Variants in DNAH17 observed in about 807,000 individuals in gnomAD.
DNAH17 encodes dynein axonemal heavy chain 17.
DNAH17 carries 376 observed loss-of-function variants against 485.6 expected under a neutral mutation model. The observed-to-expected ratio is 0.77, with a 90% CI of 0.71 to 0.84. The LOEUF is 0.84. Among genes scored for constraint, DNAH17 ranks in the 40% least tolerant of loss-of-function variants. DNAH17 has a pLI of 0.00. For synonymous variants in DNAH17, 3,031 were observed against 2,405.9 expected (o/e 1.26, Z -7.60); for missense variants, 6,370 against 5,839.3 (o/e 1.09, Z -2.96).
At position 78,444,187 on chromosome 17, in the gene DNAH17, G is replaced by A. The variant is rs186261122; in HGVS notation, c.11528+417C>T. 8.5e-5 allele frequency among the ~76,000 whole-genome samples: 13 copies of A among 152,256 alleles called. No individual in the cohort carries two copies. The East Asian group carries it at 2.5e-3, about 29-fold the overall frequency. On this transcript the variant is annotated intron_variant, in intron 71 of 80. Transcript: ENST00000389840. ...TTTCTCCCTCAAAACATCTTAAAAG[G>A]ACCCCATTTGTATGGCCTCAGTGCT... is the stretch of plus-strand genomic sequence containing the variant.
At chr17:78,536,580 C>G (rs1396600635) in intron 19 of DNAH17, among the ~76,000 whole-genome samples, 1 of 152,100 alleles carries the variant, frequency 6.6e-6, no homozygotes. Flanking sequence ...ACTTGGGAGA[C>G]TGAGGCGGGA....
Position 78,545,166 on chromosome 17 carries a change from C to A in DNAH17, c.2392-1169G>T, listed in dbSNP as rs541343476. Among the ~76,000 whole-genome samples, 5 of 152,260 alleles carry A rather than the reference C, an allele frequency of 3.3e-5. No homozygotes were observed. In the South Asian group the frequency reaches 1.0e-3, roughly 32 times the overall value. On this transcript the variant is annotated intron_variant, in intron 16 of 80. Coordinates refer to ENST00000389840, the MANE Select transcript of DNAH17 (RefSeq NM_173628.4). ...AGATCACCCGCCTCCCTCCTCTGGC[C>A]AGTGTTTGATATTTACGTGAGTACT...
chr17:78,477,930 TCATCACCAC>T (rs1156670279), intron 51 of DNAH17, among the ~76,000 whole-genome samples: 3 of 145,554 alleles, frequency 2.1e-5, no homozygotes, highest in Non-Finnish European at 3.0e-5. Context: ...ATCACCACCA[TCATCACCAC>T]CATCACCATT....
At chr17:78,461,429 T>G in intron 58 of DNAH17, 115 bp downstream of exon 58, 1 of 1,151,620 alleles carries the variant, frequency 8.7e-7, no homozygotes, top group East Asian at 3.0e-5. Flanking sequence ...TGTCCTTCTA[T>G]GTAAGTCTCA....
chr17:78,442,967 C>G (rs540259226), intron 71 of DNAH17, among the ~76,000 whole-genome samples: 1 of 152,308 alleles, frequency 6.6e-6, no homozygotes, highest in African/African-American at 2.4e-5. Context: ...TAAGCGACCC[C>G]CTCCCTATAC....
chr17:78,475,843 G>T lies in DNAH17; in HGVS notation c.8155-10C>A. On this transcript the variant is annotated splice_polypyrimidine_tract_variant and intron_variant, in intron 52 of 80. Coordinates refer to ENST00000389840, the MANE Select transcript of DNAH17 (RefSeq NM_173628.4). Reference sequence around the variant, plus strand: ...GTTCATCACCAAGATCCTAGAAAAAGAAAAAAAAAGACGATACTTCCGGTT... The same window carrying T: ...GTTCATCACCAAGATCCTAGAAAAATAAAAAAAAAGACGATACTTCCGGTT... The T allele has an allele frequency of 6.3e-7, 1 of 1,580,844 alleles. No homozygotes were observed. Among genetic ancestry groups the T allele is most frequent in the African/African-American group, 1.4e-5 (1 of 72,398 alleles).
At position 78,537,347 on chromosome 17, in the gene DNAH17, G is replaced by C; in HGVS notation, c.2811C>G (p.Asn937Lys). 6.2e-7 allele frequency: 1 copy of C among 1,605,246 alleles called. No homozygotes were observed. The highest frequency in any genetic ancestry group is 2.2e-5 in the East Asian group (1 of 44,472). The change falls in exon 19 of 81, where the codon AAC (asparagine) becomes AAG (lysine). Residue 937 changes from asparagine to lysine, a missense_variant. Asn to Lys is a moderately conservative substitution (Grantham distance 94). Transcript: ENST00000389840. ...LIEGLVNDIY[N>K]VARLIPRLAK... ...CCAGCCGAGGGATGAGCCTGGCTACGTTGTAGATGTCGTTGACCAGGCCCT... is the reference window on the plus strand; with the variant it reads ...CCAGCCGAGGGATGAGCCTGGCTACCTTGTAGATGTCGTTGACCAGGCCCT...
chr17:78,482,752 T>A (rs2089407385), intron 48 of DNAH17, among the ~76,000 whole-genome samples: 1 of 152,114 alleles, frequency 6.6e-6, no homozygotes, highest in Non-Finnish European at 1.5e-5. Context: ...AAACAGTCCA[T>A]CCTTCCCTGT....
At position 78,485,584 on chromosome 17, in the gene DNAH17, G is replaced by A. The variant is rs1464307406; in HGVS notation, c.7449C>T (p.Pro2483=). 6.2e-7 allele frequency: 1 copy of A among 1,613,506 alleles called. No individual in the cohort carries two copies. Among genetic ancestry groups the A allele is most frequent in the Non-Finnish European group, 8.5e-7 (1 of 1,179,744 alleles). ...TGGCTGAGGTCGTGTAGAAGTTGAA[G>A]GGCACAGCCTGCACCAGGTAGTTGT... The part of the protein sequence containing the change: ...NTDNYLVQAV[P]FNFYTTSAML... The change falls in exon 47 of 81, where the codon CCC becomes CCT. Residue 2483 remains proline (P), a synonymous_variant. Transcript: ENST00000389840.
chr17:78,529,645 T>C lies in DNAH17; in HGVS notation c.3334A>G (p.Lys1112Glu), dbSNP rs761279583. 3.7e-6 allele frequency: 6 copies of C among 1,613,848 alleles called. No homozygotes were observed. The African/African-American group carries it at 8.0e-5, about 22-fold the overall frequency. Residue 1112 changes from lysine (K) to glutamate (E), a missense_variant, in exon 22 of 81, where the codon AAG (lysine) becomes GAG (glutamate). Physicochemically the swap from Lys to Glu is moderately conservative, Grantham distance 56. Transcript: ENST00000389840. ...TCATAGTCCCCCTCCTTGAGGGGCT[T>C]GGTCAAGCCCATTCTGGCGACTTTC... is the stretch of plus-strand genomic sequence containing the variant. ...FMKVARMGLTKPLKEGDYDGL... is the reference protein window; with the variant it reads ...FMKVARMGLTEPLKEGDYDGL...
At chr17:78,442,374 G>A (rs1222550064) in intron 71 of DNAH17, among the ~76,000 whole-genome samples, 2 of 152,220 alleles carry the variant, frequency 1.3e-5, no homozygotes, top group African/African-American at 4.8e-5. Flanking sequence ...TTGCTGGCTT[G>A]TCTCTGGTGT....
intron 13 of DNAH17, among the ~76,000 whole-genome samples, chr17:78,558,746 C>T (rs1424846531): frequency 1.3e-5 from 2 of 152,216 alleles, no homozygotes; most frequent in Non-Finnish European, 2.9e-5. Flanking sequence ...CTTGTTTCCT[C>T]GCTGGAATCT....
At chr17:78,493,871 C>T (rs1029930669) in intron 41 of DNAH17, 165 bp downstream of exon 41, 12 of 1,006,312 alleles carry the variant, frequency 1.2e-5, no homozygotes, top group South Asian at 1.1e-4. Context: ...CCCTCCTCCT[C>T]GGCCCCCAGC....
Position 78,426,571 on chromosome 17 carries a change from T to G in DNAH17, c.12801A>C (p.Glu4267Asp), listed in dbSNP as rs755944065. 6.2e-7 allele frequency: 1 copy of G among 1,612,190 alleles called. No homozygotes were observed. Among genetic ancestry groups the G allele is most frequent in the Admixed American group, 1.7e-5 (1 of 59,840 alleles). Reference sequence around the variant, plus strand: ...CATAGAAGAGAGCCGTGGACAGATCTTCCACGTCGGTCGTGATGGTCAGTT... The same window carrying G: ...CATAGAAGAGAGCCGTGGACAGATCGTCCACGTCGGTCGTGATGGTCAGTT... ...KGELTITTDVEDLSTALFYDT... is the reference protein window; with the variant it reads ...KGELTITTDVDDLSTALFYDT... Residue 4267 changes from glutamate to aspartate, a missense_variant, in exon 79 of 81, where the codon GAA becomes GAC. Physicochemically the swap from Glu to Asp is conservative, Grantham distance 45. Transcript: ENST00000389840.
chr17:78,517,634 C>T (rs1598627764), intron 25 of DNAH17, among the ~76,000 whole-genome samples: 1 of 152,218 alleles, frequency 6.6e-6, no homozygotes, highest in East Asian at 1.9e-4. Flanking sequence ...ATTGCCTCCT[C>T]TTCTCCCTGA....
At chr17:78,526,582 A>T in intron 24 of DNAH17, 69 bp downstream of exon 24, 1 of 1,354,872 alleles carries the variant, frequency 7.4e-7, no homozygotes, top group Non-Finnish European at 1.0e-6. Flanking sequence ...TGAAAGGATA[A>T]CTACTTGAGA....
intron 31 of DNAH17, among the ~76,000 whole-genome samples, chr17:78,504,951 G>T (rs1382434709): frequency 7.7e-6 from 1 of 130,090 alleles, no homozygotes; most frequent in African/African-American, 2.9e-5. Context: ...TGTCACCCAG[G>T]CTGGAGTGCA....
intron 58 of DNAH17, among the ~76,000 whole-genome samples, chr17:78,460,744 G>A (rs1167870034): frequency 2.0e-5 from 3 of 152,252 alleles, no homozygotes; most frequent in Non-Finnish European, 4.4e-5. Context: ...GGAAATCCGG[G>A]GGCCACTGAG....
intron 9 of DNAH17, among the ~76,000 whole-genome samples, chr17:78,568,497 C>T (rs943153683): frequency 9.2e-5 from 14 of 152,190 alleles, no homozygotes; most frequent in Non-Finnish European, 7.3e-5. Flanking sequence ...AAAAATTACA[C>T]CATGCAGAAG....
Sources: gnomAD v4.1 joint callset for allele counts (sites outside exome capture counted in the v4.1 genomes callset) on GRCh38, gnomAD v4.1.1 for gene constraint, MANE v1.5 for transcripts, NCBI Gene and HGNC (gene_info 2026-07-23, HGNC 2026-07-21) for gene names.